Variants in MLC1 observed in about 807,000 individuals in gnomAD.
MLC1 encodes membrane protein MLC1.
A neutral mutation model predicts 44.7 loss-of-function variants in MLC1; 32 were observed. The ratio of observed to expected loss-of-function variants is 0.72; its 90% CI spans 0.54 to 0.96. The LOEUF (loss-of-function observed/expected upper bound fraction) is 0.96. Among genes scored for constraint, MLC1 ranks in the 40% least tolerant of loss-of-function variants. The pLI is 0.00. For synonymous variants in MLC1, 190 were observed against 213.0 expected (o/e 0.89, Z 0.94); for missense variants, 459 against 492.2 (o/e 0.93, Z 0.64).
chr22:50,067,268 TTCAGACAGTGACTCCATGCCCCCA>T (rs1176074678), intron 10 of MLC1, among the ~76,000 whole-genome samples: 2 of 151,234 alleles, frequency 1.3e-5, no homozygotes, highest in Admixed American at 6.6e-5. Flanking sequence ...GCTATCCCCC[TTCAGACAGTGACTCCATGCCCCCA>T]TCAGACAGTG....
At chr22:50,062,043 A>G (rs958327528) in intron 11 of MLC1, among the ~76,000 whole-genome samples, 5 of 152,156 alleles carry the variant, frequency 3.3e-5, no homozygotes, top group Non-Finnish European at 7.4e-5. Context: ...AAGGGAGGAC[A>G]GCGCCAGCCC....
chr22:50,081,037 G>GAA (rs71316991), intron 3 of MLC1, among the ~76,000 whole-genome samples: 5 of 126,860 alleles, frequency 3.9e-5, no homozygotes, highest in Non-Finnish European at 8.9e-5. Context: ...AAGAAAGAAA[G>GAA]AAAGAAAGAA....
At chr22:50,084,304 CCT>C (rs1215174753) in intron 2 of MLC1, among the ~76,000 whole-genome samples, 1 of 152,158 alleles carries the variant, frequency 6.6e-6, no homozygotes, top group Non-Finnish European at 1.5e-5. Flanking sequence ...CCAGCCGGCC[CCT>C]GAGGCCCTCC....
chr22:50,079,312 C>T lies in MLC1; in HGVS notation c.423+606G>A, dbSNP rs183653205. Among the ~76,000 whole-genome samples, 24 of 147,482 alleles carry T rather than the reference C, an allele frequency of 1.6e-4. No homozygotes were observed. In the East Asian group the frequency reaches 4.2e-3, roughly 26 times the overall value. ...AACAAAACAAAACAAAACAAAAAGG[C>T]AGTGTGGGTGTTCCCACTGGGTCCT... On this transcript the variant is annotated intron_variant, in intron 5 of 11. Coordinates refer to ENST00000311597, the MANE Select transcript of MLC1 (RefSeq NM_015166.4).
chr22:50,070,477 T>C lies in MLC1; in HGVS notation c.771+50A>G, dbSNP rs537404563. 5.9e-6 allele frequency: 9 copies of C among 1,519,650 alleles called. No individual in the cohort carries two copies. The Admixed American group carries it at 1.4e-4, about 23-fold the overall frequency. The allele number at this position is 1,519,650 out of a possible 1,614,324, so 94.1% of individuals were successfully genotyped here. On this transcript the variant is annotated intron_variant, in intron 9 of 11. Transcript: ENST00000311597. ...ACCAAGGGAGGGCTAGGCCAGGCCC[T>C]GGCCCCGCTCGGTGGGTCCCTGGCA... is the stretch of plus-strand genomic sequence containing the variant.
At chr22:50,085,242 T>C in intron 1 of MLC1, 113 bp downstream of exon 1, 1 of 1,219,502 alleles carries the variant, frequency 8.2e-7, no homozygotes, top group South Asian at 1.6e-5. Flanking sequence ...GGCAACTTCG[T>C]CCATGAACAC....
At chr22:50,070,168 C>T (rs1446836346) in intron 9 of MLC1, among the ~76,000 whole-genome samples, 1 of 152,150 alleles carries the variant, frequency 6.6e-6, no homozygotes, top group Non-Finnish European at 1.5e-5. Context: ...TGCCATTGCA[C>T]TCCAGCCTGG....
rs1392212043 is a variant in MLC1, at chr22:50,076,826, G to A, written c.597+15C>T. ...AGAGTATGAGAGAAAAGAGAAAGAA[G>A]GGAAGTTTTCTTACTGAGTAAGATT... On this transcript the variant is annotated intron_variant, in intron 7 of 11. Transcript: ENST00000311597. 1 of 1,612,104 alleles carries A rather than the reference G, an allele frequency of 6.2e-7. No individual in the cohort carries two copies. The highest frequency in any genetic ancestry group is 8.5e-7 in the Non-Finnish European group (1 of 1,178,218).
chr22:50,065,922 A>G (rs2061692317), intron 10 of MLC1, among the ~76,000 whole-genome samples: 1 of 152,238 alleles, frequency 6.6e-6, no homozygotes, highest in South Asian at 2.1e-4. Context: ...GAAATAACTC[A>G]GTTTCCATCA....
intron 3 of MLC1, among the ~76,000 whole-genome samples, chr22:50,082,249 G>T (rs192048821): frequency 8.1e-6 from 1 of 122,766 alleles, no homozygotes; most frequent in Non-Finnish European, 1.8e-5. Context: ...CGGCTTGCGG[G>T]CCAGAGGGGC....
chr22:50,084,369 T>C lies in MLC1; in HGVS notation c.177+357A>G, dbSNP rs1374522009. ...CTCTGTGAGGGCCGACCTGAAGGCC[T>C]GAGACGCCTCCTCCCACCTTTGCAG... On this transcript the variant is annotated intron_variant, in intron 2 of 11. Coordinates refer to ENST00000311597, the MANE Select transcript of MLC1 (RefSeq NM_015166.4). Among the ~76,000 whole-genome samples the C allele has an allele frequency of 9.2e-5, 14 of 152,224 alleles. No homozygotes were observed. The East Asian group carries it at 2.5e-3, about 27-fold the overall frequency.
rs112883918 is a variant in MLC1, at chr22:50,067,446, C to T, written c.894+987G>A. On this transcript the variant is annotated intron_variant, in intron 10 of 11. Transcript: ENST00000311597. ...TCTATCCCCTGTCAGGCAGTGACTC[C>T]ATCCCCCGTCAGGCAGTGACTCCAT... 1.4e-4 allele frequency among the ~76,000 whole-genome samples: 17 copies of T among 120,442 alleles called. No individual in the cohort carries two copies. The East Asian group carries it at 3.1e-3, about 22-fold the overall frequency. The allele number at this position is 120,442 out of a possible 152,430, so 79.0% of individuals were successfully genotyped here.
chr22:50,065,767 C>T (rs1349154885), intron 10 of MLC1, among the ~76,000 whole-genome samples: 10 of 152,278 alleles, frequency 6.6e-5, no homozygotes, highest in South Asian at 4.1e-4. Context: ...AGGAGGTCGC[C>T]GAGATTTATC....
chr22:50,080,038 G>A lies in MLC1; in HGVS notation c.322-19C>T. On this transcript the variant is annotated intron_variant, in intron 4 of 11. Transcript: ENST00000311597. ...TGGGAATCTGAAAAACAAGGCAGGA[G>A]GGGTTTTCCTTCTTTGAATAATAAA... The A allele has an allele frequency of 2.5e-6, 4 of 1,571,684 alleles. No homozygotes were observed. Among genetic ancestry groups the A allele is most frequent in the Non-Finnish European group, 8.8e-7 (1 of 1,141,368 alleles).
At chr22:50,063,985 C>G in intron 11 of MLC1, 49 bp downstream of exon 11, 2 of 1,442,826 alleles carry the variant, frequency 1.4e-6, no homozygotes, top group South Asian at 2.6e-5. Flanking sequence ...TGGGCACCCC[C>G]GTGGGCCACT....
Position 50,081,967 on chromosome 22 carries a change from C to T in MLC1, c.267+1117G>A, listed in dbSNP as rs184892785. 9.2e-5 allele frequency among the ~76,000 whole-genome samples: 14 copies of T among 152,318 alleles called. No individual in the cohort carries two copies. In the South Asian group the frequency reaches 1.0e-3, roughly 11 times the overall value. On this transcript the variant is annotated intron_variant, in intron 3 of 11. Coordinates refer to ENST00000311597, the MANE Select transcript of MLC1 (RefSeq NM_015166.4). Reference sequence around the variant, plus strand: ...AGCAGAGTGGGACGGGTCACCTGCCCCAAAGGGCTTTGTTCTAAGGGAGCA... The same window carrying T: ...AGCAGAGTGGGACGGGTCACCTGCCTCAAAGGGCTTTGTTCTAAGGGAGCA...
In MLC1 at chr22:50,064,090, G is replaced by T; in HGVS notation, c.1003C>A (p.Leu335Met). The change falls in exon 11 of 12, where the codon CTG (leucine) becomes ATG (methionine). Residue 335 changes from leucine (L) to methionine (M), a missense_variant. By Grantham distance (15) the Leu-to-Met change is conservative (BLOSUM62 2). Transcript: ENST00000311597. The part of the protein sequence containing the change: ...QCVRFKVSAR[L>M]QGASWDTQNG... ...TGGGTGTCCCAGGATGCACCCTGCA[G>T]CCTTGCACTGACCTTGAAGCGCACG... 1 of 1,610,570 alleles carries T rather than the reference G, an allele frequency of 6.2e-7. No homozygotes were observed.
intron 7 of MLC1, among the ~76,000 whole-genome samples, chr22:50,074,858 T>C (rs2061941192): frequency 6.6e-6 from 1 of 152,222 alleles, no homozygotes; most frequent in Non-Finnish European, 1.5e-5. Context: ...ACCCCTTTTC[T>C]AGAAATTTCT....
intron 5 of MLC1, among the ~76,000 whole-genome samples, chr22:50,079,124 A>C (rs2146897560): frequency 6.6e-6 from 1 of 152,154 alleles, no homozygotes; most frequent in South Asian, 2.1e-4. Context: ...TCTGTACTAA[A>C]AATACAAAAA....
Sources: allele counts gnomAD v4.1 joint callset (sites outside exome capture counted in the v4.1 genomes callset), GRCh38; gene constraint gnomAD v4.1.1; transcripts MANE v1.5; gene names NCBI Gene and HGNC (gene_info 2026-07-23, HGNC 2026-07-21).